The following PKHD1 variants were observed in gnomAD, a reference collection of about 807,000 sequenced individuals.
PKHD1 encodes the protein fibrocystin.
PKHD1 carries 291 observed loss-of-function variants against 412.0 expected under a neutral mutation model. That is an observed-to-expected ratio of 0.71 (90% CI 0.64 to 0.78). The LOEUF (loss-of-function observed/expected upper bound fraction) is 0.78, where lower values mean the gene tolerates loss of function less well. PKHD1 is among the 30% of genes least tolerant of loss of function. The pLI is 0.00. For missense variants in PKHD1, 4,825 were observed against 4,950.7 expected (o/e 0.97, Z 0.76); for synonymous variants, 1,777 against 1,821.5 (o/e 0.98, Z 0.62).
At chr6:51,723,698 T>C (rs1015046701) in intron 60 of PKHD1, among the ~76,000 whole-genome samples, 12 of 152,190 alleles carry the variant, frequency 7.9e-5, no homozygotes, top group African/African-American at 2.9e-4. Flanking sequence ...GATATTTTCT[T>C]TCCTCTTTCT....
Position 51,906,446 on chromosome 6 carries a change from A to G in PKHD1, c.6683-106T>C. On this transcript the variant is annotated intron_variant, in intron 40 of 66. Transcript: ENST00000371117. ...GCTAAAGACATTCTCCCACACAATA[A>G]TGAAACTCAGGAGATAAGAAGTTAG... The G allele has an allele frequency of 5.7e-6, 5 of 884,142 alleles. No individual in the cohort carries two copies. In the East Asian group the frequency reaches 7.4e-5, roughly 13 times the overall value. The allele number at this position is 884,142 out of a possible 1,614,324, so 54.8% of individuals were successfully genotyped here. A position where few individuals can be genotyped will look rare whatever the true frequency, so the allele number is the denominator to read the frequency against.
intron 36 of PKHD1, among the ~76,000 whole-genome samples, chr6:51,946,694 C>A (rs976743084): frequency 6.6e-6 from 1 of 152,126 alleles, no homozygotes; most frequent in Admixed American, 6.5e-5. Context: ...CCACAAGTAA[C>A]CTTGGGTAAT....
Position 52,055,614 on chromosome 6 carries a change from C to T in PKHD1, c.1809G>A (p.Lys603=). ...GTGTATACTGATCTAGCCGATAGCCCTTCTGGGCAGCCGGGGGAGTAAGGA... is the reference window on the plus strand; with the variant it reads ...GTGTATACTGATCTAGCCGATAGCCTTTCTGGGCAGCCGGGGGAGTAAGGA... ...HLVLTPPAAQ[K]GYRLDQYTHL... The change falls in exon 19 of 67, where the codon AAG becomes AAA. Residue 603 remains lysine, a synonymous_variant. Transcript: ENST00000371117. 1 of 1,613,996 alleles carries T rather than the reference C, an allele frequency of 6.2e-7. No homozygotes were observed. Among genetic ancestry groups the T allele is most frequent in the Non-Finnish European group, 8.5e-7 (1 of 1,179,918 alleles).
At chr6:51,640,798 C>T (rs1769244247) in intron 63 of PKHD1, among the ~76,000 whole-genome samples, 1 of 152,056 alleles carries the variant, frequency 6.6e-6, no homozygotes, top group Admixed American at 6.6e-5. Flanking sequence ...CTTTTTTGTG[C>T]AACTATGATC....
In PKHD1 at chr6:51,617,071, T is replaced by C. The variant is rs1267186912; in HGVS notation, c.*2010A>G. ...TGCATGGTATAGAGCTCAGGAAAAA[T>C]ACCTGTGGAAAAAAAACTTAAAAAG... On this transcript the variant is annotated 3_prime_UTR_variant, in exon 67 of 67. Coordinates refer to ENST00000371117, the MANE Select transcript of PKHD1 (RefSeq NM_138694.4). The C allele has an allele frequency of 5.7e-6, 1 of 176,574 alleles. No homozygotes were observed. The highest frequency in any genetic ancestry group is 1.2e-5 in the Non-Finnish European group (1 of 84,650). The allele number at this position is 176,574 out of a possible 1,614,324, so 10.9% of individuals were successfully genotyped here. A position where few individuals can be genotyped will look rare whatever the true frequency, so the allele number is the denominator to read the frequency against.
chr6:51,873,517 A>T (rs766392570), intron 46 of PKHD1, among the ~76,000 whole-genome samples: 1 of 152,222 alleles, frequency 6.6e-6, no homozygotes, highest in African/African-American at 2.4e-5. Context: ...ATACATATAC[A>T]TGGTTGGTTT....
chr6:52,039,505 T>C (rs1011718038), intron 27 of PKHD1, among the ~76,000 whole-genome samples: 19 of 152,232 alleles, frequency 1.2e-4, no homozygotes, highest in African/African-American at 4.3e-4. Context: ...GTAAGTTTCC[T>C]GAGGAATCCC....
At chr6:52,054,189 C>T in intron 19 of PKHD1, 24 bp from the exon 20 acceptor site, 2 of 1,612,392 alleles carry the variant, frequency 1.2e-6, no homozygotes, top group Non-Finnish European at 1.7e-6. Context: ...ATAAGTCCTT[C>T]AGTTCTATTA....
At chr6:51,989,033 T>C (rs956440182) in intron 35 of PKHD1, among the ~76,000 whole-genome samples, 2 of 152,212 alleles carry the variant, frequency 1.3e-5, no homozygotes, top group African/African-American at 4.8e-5. Flanking sequence ...AATATTTCTC[T>C]ACTCTTCCCA....
In PKHD1 at chr6:51,659,366, A is replaced by AAGTT. The variant is rs1195276132; in HGVS notation, c.10756_10759dup (p.Phe3587Ter). The stretch of plus-strand genomic sequence containing the variant: ...GATTTGGTTTTGGCCAATCTGTAAG[A>AAGTT]AGTTAGTTAGTCTTTCGAGTATTAC... On this transcript the variant is annotated stop_gained and frameshift_variant, in exon 61 of 67. Transcript: ENST00000371117. LOFTEE classifies it high-confidence loss of function. The AAGTT allele has an allele frequency of 1.9e-6, 3 of 1,613,770 alleles. No homozygotes were observed. The highest frequency in any genetic ancestry group is 2.5e-6 in the Non-Finnish European group (3 of 1,179,880).
At chr6:51,900,988 GA>G (rs1197414209) in intron 43 of PKHD1, among the ~76,000 whole-genome samples, 3 of 152,034 alleles carry the variant, frequency 2.0e-5, no homozygotes, top group Non-Finnish European at 4.4e-5. Context: ...ACACCAGTTA[GA>G]ATGGCAATCA....
At chr6:51,939,340 C>T (rs1322130295) in intron 36 of PKHD1, among the ~76,000 whole-genome samples, 1 of 151,286 alleles carries the variant, frequency 6.6e-6, no homozygotes, top group Non-Finnish European at 1.5e-5. Context: ...GGGGCAAGAA[C>T]CCGCTGACCC....
intron 49 of PKHD1, among the ~76,000 whole-genome samples, chr6:51,850,163 T>C (rs150260680): frequency 3.1e-3 from 473 of 152,338 alleles, no homozygotes; most frequent in Middle Eastern, 0.031. Context: ...CCTTTCCCCA[T>C]TGCTTGTTTT....
chr6:51,992,643 TC>T (rs1797178171), intron 35 of PKHD1, among the ~76,000 whole-genome samples: 1 of 152,176 alleles, frequency 6.6e-6, no homozygotes, highest in South Asian at 2.1e-4. Flanking sequence ...TTTCTTAGTC[TC>T]CCCTCAGGCG....
In PKHD1 at chr6:52,012,281, C is replaced by T. The variant is rs145309024; in HGVS notation, c.5601-1822G>A. Among the ~76,000 whole-genome samples the T allele has an allele frequency of 3.3e-5, 5 of 152,282 alleles. No homozygotes were observed. In the East Asian group the frequency reaches 5.8e-4, roughly 18 times the overall value. ...TTAGCATGGAACCTGGCACACAATA[C>T]GAATCCAATAAAGGCAGCTCGCGTT... On this transcript the variant is annotated intron_variant, in intron 34 of 66. Transcript: ENST00000371117.
intron 35 of PKHD1, among the ~76,000 whole-genome samples, chr6:51,964,509 T>C (rs1009153590): frequency 6.6e-6 from 1 of 152,142 alleles, no homozygotes; most frequent in African/African-American, 2.4e-5. Flanking sequence ...TAATACAATG[T>C]ATACTGGTTT....
rs1268794606 is a variant in PKHD1 at position 51,619,189 on chromosome 6, C to T, written c.12117G>A (p.Lys4039=). 1.4e-5 allele frequency: 22 copies of T among 1,614,256 alleles called. No homozygotes were observed. The highest frequency in any genetic ancestry group is 6.7e-5 in the Admixed American group (4 of 60,036). ...GGGAAAGCCCCAAGCTGCCACTTTG[C>T]TTACTCAGCCGACTTTGCCCTGGCA... The part of the protein sequence containing the change: ...QQLPGQSRLS[K]QSGSLGLSQE... Residue 4039 remains lysine (K), a synonymous_variant, in exon 67 of 67, where the codon AAG becomes AAA. Transcript: ENST00000371117.
chr6:51,991,560 T>C (rs1167438883), intron 35 of PKHD1, among the ~76,000 whole-genome samples: 1 of 152,300 alleles, frequency 6.6e-6, no homozygotes, highest in Admixed American at 6.5e-5. Flanking sequence ...CATTATGCTA[T>C]TCTCTCTATT....
chr6:52,064,154 T>G (rs1809134268), intron 13 of PKHD1, among the ~76,000 whole-genome samples: 1 of 152,228 alleles, frequency 6.6e-6, no homozygotes, highest in African/African-American at 2.4e-5. Flanking sequence ...CTGGGCAACT[T>G]TCCTTGTAGG....
Sources: allele counts gnomAD v4.1 joint callset (sites outside exome capture counted in the v4.1 genomes callset), GRCh38; gene constraint gnomAD v4.1.1; transcripts MANE v1.5; gene names NCBI Gene and HGNC (gene_info 2026-07-23, HGNC 2026-07-21).